The following ATP2C1 variants were observed in gnomAD, a reference collection of about 807,000 sequenced individuals.
ATP2C1 encodes calcium-transporting ATPase type 2C member 1.
ATP2C1 carries 31 observed loss-of-function variants against 120.5 expected under a neutral mutation model. The ratio of observed to expected loss-of-function variants is 0.26; its 90% CI spans 0.19 to 0.35. ATP2C1 has a LOEUF of 0.35. Among genes scored for constraint, ATP2C1 ranks in the 10% least tolerant of loss-of-function variants. The probability of loss-of-function intolerance (pLI) is 1.00; values close to 1 mark genes in which losing one functional copy is unlikely to be tolerated. For missense variants in ATP2C1, 731 were observed against 1,107.5 expected, an observed-to-expected ratio of 0.66 and a Z score of 4.83; for synonymous variants, 351 against 358.7, an observed-to-expected ratio of 0.98 and a Z score of 0.24.
At chr3:130,928,242 A>G (rs1179272436) in intron 2 of ATP2C1, 1 of 152,280 alleles carries the variant, frequency 6.6e-6, no homozygotes, top group Non-Finnish European at 1.5e-5. Context: ...ACTTGTGAAC[A>G]CACTTGAGGT....
chr3:130,988,283 C>G (rs1359982423), intron 20 of ATP2C1, among the ~76,000 whole-genome samples: 1 of 152,040 alleles, frequency 6.6e-6, no homozygotes, highest in Non-Finnish European at 1.5e-5. Context: ...CTTCCTTTCC[C>G]TAGTACATCT....
At chr3:130,853,828 C>A (rs1212246910) in intron 1 of ATP2C1, among the ~76,000 whole-genome samples, 1 of 152,190 alleles carries the variant, frequency 6.6e-6, no homozygotes, top group African/African-American at 2.4e-5. Context: ...TGGAGCCTGG[C>A]AGATACTGGT....
intron 26 of ATP2C1, among the ~76,000 whole-genome samples, chr3:131,014,812 A>G (rs1200532521): frequency 6.6e-6 from 1 of 152,230 alleles, no homozygotes; most frequent in Non-Finnish European, 1.5e-5. Flanking sequence ...CAAATAGAAG[A>G]TGGGATTAAT....
chr3:130,917,833 A>G (rs927765987), intron 2 of ATP2C1, among the ~76,000 whole-genome samples: 1 of 152,140 alleles, frequency 6.6e-6, no homozygotes, highest in Admixed American at 6.5e-5. Context: ...TCTGCTAACC[A>G]TCATTCCACT....
chr3:130,873,883 G>C (rs2068514063), intron 1 of ATP2C1, among the ~76,000 whole-genome samples: 1 of 152,080 alleles, frequency 6.6e-6, no homozygotes, highest in Admixed American at 6.6e-5. Flanking sequence ...AGGCTGAGGT[G>C]GGCAGATCAC....
chr3:130,886,005 AT>A (rs1434592550), intron 1 of ATP2C1, among the ~76,000 whole-genome samples: 1 of 152,184 alleles, frequency 6.6e-6, no homozygotes, highest in Admixed American at 6.5e-5. Context: ...TCTGTTTAAC[AT>A]TTATTTTAGG....
chr3:130,882,810 GA>G (rs2068827414), intron 1 of ATP2C1, among the ~76,000 whole-genome samples: 1 of 152,112 alleles, frequency 6.6e-6, no homozygotes, highest in Non-Finnish European at 1.5e-5. Flanking sequence ...CCAGCCTGTA[GA>G]TTTTTTTTTG....
chr3:130,964,336 A>G (rs1391202254), intron 13 of ATP2C1, among the ~76,000 whole-genome samples: 2 of 152,074 alleles, frequency 1.3e-5, no homozygotes, highest in Admixed American at 6.6e-5. Context: ...TGTTAAGAAA[A>G]TCCATACAAC....
At position 130,876,477 on chromosome 3, in the gene ATP2C1, T is replaced by G. The variant is rs368336996; in HGVS notation, c.108+25549T>G. Among the ~76,000 whole-genome samples, 9 of 152,240 alleles carry G rather than the reference T, an allele frequency of 5.9e-5. No homozygotes were observed. The South Asian group carries it at 1.2e-3, about 21-fold the overall frequency. ...TTCTAGGTCCTCTATTCTGTTCTATTTGTCCTTGTTTCTGTTTTTATCTTG... is the reference window on the plus strand; with the variant it reads ...TTCTAGGTCCTCTATTCTGTTCTATGTGTCCTTGTTTCTGTTTTTATCTTG... On this transcript the variant is annotated intron_variant, in intron 1 of 26. Coordinates refer to the ATP2C1 transcript ENST00000504381.
chr3:130,882,185 T>A (rs1159546419), intron 1 of ATP2C1, among the ~76,000 whole-genome samples: 1 of 152,036 alleles, frequency 6.6e-6, no homozygotes, highest in Admixed American at 6.5e-5. Flanking sequence ...ACTAGCTGTG[T>A]GTCTGTCATA....
At chr3:130,960,753 T>C (rs920918959) in intron 12 of ATP2C1, among the ~76,000 whole-genome samples, 8 of 152,112 alleles carry the variant, frequency 5.3e-5, no homozygotes, top group Admixed American at 2.0e-4. Context: ...AATCTGTAAA[T>C]TGGGCCTAGC....
intron 14 of ATP2C1, among the ~76,000 whole-genome samples, chr3:130,966,314 G>A (rs1192014463): frequency 6.6e-6 from 1 of 152,152 alleles, no homozygotes; most frequent in Non-Finnish European, 1.5e-5. Flanking sequence ...TATGATCCAG[G>A]TATGGAAGGT....
downstream of ATP2C1, among the ~76,000 whole-genome samples, chr3:131,007,587 G>T (rs145469902): frequency 6.0e-3 from 919 of 152,220 alleles, 4 homozygotes; most frequent in Non-Finnish European, 0.01. Context: ...CCATTTTTGG[G>T]CTCTGGATTT....
rs1045598456 is a variant in ATP2C1, at chr3:130,997,708, A to G, written c.2346A>G (p.Ser782=). Residue 782 remains serine (S), a synonymous_variant, in exon 25 of 28, where the codon TCA becomes TCG. Transcript: ENST00000510168. ...ACTTGATACTTAAAATACTTGTTTC[A>G]TCAATAATCATTGTTTGTGGGACTT... ...TKNLILKILV[S]SIIIVCGTLF... The G allele has an allele frequency of 6.2e-7, 1 of 1,613,690 alleles. No homozygotes were observed. Among genetic ancestry groups the G allele is most frequent in the Non-Finnish European group, 8.5e-7 (1 of 1,179,790 alleles).
At chr3:130,894,036 G>C (rs2069340436), upstream of ATP2C1, 2 of 986,574 alleles carry the variant, frequency 2.0e-6, no homozygotes, top group African/African-American at 3.5e-5. The surrounding 1 kb of genome is among the most constrained non-coding windows in gnomAD (Gnocchi z 4.5). Context: ...GCGCGACTGG[G>C]CGGCCGGCGG....
chr3:130,879,414 A>C (rs973369661), intron 1 of ATP2C1, among the ~76,000 whole-genome samples: 24 of 151,762 alleles, frequency 1.6e-4, no homozygotes, highest in African/African-American at 2.4e-5. Flanking sequence ...ACCTCTGTTG[A>C]ATTTTTCATT....
At chr3:130,897,374 C>T (rs1193764865) in intron 2 of ATP2C1, among the ~76,000 whole-genome samples, 1 of 152,194 alleles carries the variant, frequency 6.6e-6, no homozygotes, top group East Asian at 1.9e-4. Context: ...TCTAAGCTTT[C>T]TCAGCCTCTA....
chr3:130,968,891 G>A (rs2061170474), intron 16 of ATP2C1, among the ~76,000 whole-genome samples: 1 of 152,152 alleles, frequency 6.6e-6, no homozygotes, highest in African/African-American at 2.4e-5. Context: ...GATAACAGGT[G>A]AGCCATTTGA....
chr3:131,014,356 A>G (rs145482328), intron 26 of ATP2C1: 3 of 1,609,350 alleles, frequency 1.9e-6, no homozygotes, highest in African/African-American at 1.3e-5. Flanking sequence ...AGTTGCTGGC[A>G]TAGTCCGTGC....
Sources: gnomAD v4.1 joint callset for allele counts (sites outside exome capture counted in the v4.1 genomes callset) on GRCh38, gnomAD v4.1.1 for gene constraint, Gnocchi (gnomAD v3.1) non-coding constraint, MANE v1.5 for transcripts, NCBI Gene and HGNC (gene_info 2026-07-23, HGNC 2026-07-21) for gene names.